The following SEMA3E variants were observed in gnomAD, a reference collection of about 807,000 sequenced individuals.
The protein encoded by SEMA3E is semaphorin 3E.
In SEMA3E, 49 loss-of-function variants were observed where a neutral mutation model predicts 93.6. That is an observed-to-expected ratio of 0.52 (90% confidence interval 0.42 to 0.66). SEMA3E has a LOEUF of 0.66. SEMA3E is among the 30% of genes least tolerant of loss of function. The pLI is 0.00. For missense variants in SEMA3E, 906 were observed against 964.8 expected (o/e 0.94, Z 0.81); for synonymous variants, 363 against 330.7 (o/e 1.10, Z -1.06).
At chr7:83,464,968 G>A (rs1789719345) in intron 4 of SEMA3E, among the ~76,000 whole-genome samples, 1 of 151,578 alleles carries the variant, frequency 6.6e-6, no homozygotes, top group Non-Finnish European at 1.5e-5. Context: ...CCAAGCCATC[G>A]CATCCCGTGA....
intron 1 of SEMA3E, among the ~76,000 whole-genome samples, chr7:83,511,285 G>T (rs117009755): frequency 3.5e-5 from 5 of 143,908 alleles, no homozygotes; most frequent in Non-Finnish European, 6.1e-5. Context: ...TCTTAAATAT[G>T]TTTTTTTTTT....
chr7:83,463,280 T>C (rs1196711084), intron 4 of SEMA3E, among the ~76,000 whole-genome samples: 1 of 151,986 alleles, frequency 6.6e-6, no homozygotes, highest in Non-Finnish European at 1.5e-5. Flanking sequence ...TTGACCTTAC[T>C]GTTTTAGCCT....
intron 1 of SEMA3E, among the ~76,000 whole-genome samples, chr7:83,645,556 C>G (rs1028084022): frequency 6.6e-6 from 1 of 151,948 alleles, no homozygotes; most frequent in Non-Finnish European, 1.5e-5. Flanking sequence ...TCATTTTATC[C>G]ACCAGGCTTG....
At chr7:83,595,801 A>T (rs925779673) in intron 1 of SEMA3E, among the ~76,000 whole-genome samples, 1 of 152,010 alleles carries the variant, frequency 6.6e-6, no homozygotes, top group South Asian at 2.1e-4. Flanking sequence ...TTATGATTTG[A>T]TAAGTTACCC....
intron 4 of SEMA3E, among the ~76,000 whole-genome samples, chr7:83,449,495 T>G (rs931676106): frequency 6.6e-6 from 1 of 152,030 alleles, no homozygotes; most frequent in Admixed American, 6.6e-5. Context: ...AATTTAATTT[T>G]CACTACTGAT....
chr7:83,504,930 C>T (rs372969209), intron 1 of SEMA3E, among the ~76,000 whole-genome samples: 4 of 151,856 alleles, frequency 2.6e-5, no homozygotes, highest in Admixed American at 6.6e-5. Flanking sequence ...AGAAGCTCAC[C>T]GAGAAAGTTA....
At chr7:83,559,203 C>A (rs1274376958) in intron 1 of SEMA3E, among the ~76,000 whole-genome samples, 1 of 151,970 alleles carries the variant, frequency 6.6e-6, no homozygotes, top group African/African-American at 2.4e-5. Context: ...CCTGCTTGAG[C>A]CTTGGTTTCT....
At chr7:83,598,792 T>C (rs1227527640) in intron 1 of SEMA3E, among the ~76,000 whole-genome samples, 3 of 152,236 alleles carry the variant, frequency 2.0e-5, no homozygotes, top group African/African-American at 7.2e-5. Flanking sequence ...CATTTGTATA[T>C]GTCTTTGTCA....
intron 14 of SEMA3E, 33 bp downstream of exon 14, chr7:83,392,522 A>G: frequency 6.2e-7 from 1 of 1,602,926 alleles, no homozygotes; most frequent in South Asian, 1.1e-5. Context: ...TTTCCTAAGC[A>G]AGGGAAATAG....
chr7:83,447,264 T>C (rs1322475911), intron 4 of SEMA3E, among the ~76,000 whole-genome samples: 2 of 152,072 alleles, frequency 1.3e-5, no homozygotes, highest in Non-Finnish European at 2.9e-5. Flanking sequence ...TGGCTGGGAC[T>C]GGTGGCTCAC....
chr7:83,606,318 G>A (rs1478546223), intron 1 of SEMA3E, among the ~76,000 whole-genome samples: 1 of 152,062 alleles, frequency 6.6e-6, no homozygotes, highest in Non-Finnish European at 1.5e-5. Context: ...CCCATTTTTG[G>A]CAATCTAATG....
chr7:83,477,152 T>G (rs953632423), intron 2 of SEMA3E, among the ~76,000 whole-genome samples: 1 of 152,112 alleles, frequency 6.6e-6, no homozygotes, highest in African/African-American at 2.4e-5. Context: ...AATTTTTTAA[T>G]TGTCTAAAAA....
At chr7:83,509,398 C>T (rs1271846835) in intron 1 of SEMA3E, among the ~76,000 whole-genome samples, 1 of 152,126 alleles carries the variant, frequency 6.6e-6, no homozygotes, top group African/African-American at 2.4e-5. Context: ...ATAAGGAGGC[C>T]AGAGCCAATT....
intron 1 of SEMA3E, among the ~76,000 whole-genome samples, chr7:83,618,575 G>GT (rs1164332147): frequency 2.0e-5 from 3 of 151,966 alleles, no homozygotes; most frequent in Non-Finnish European, 2.9e-5. Flanking sequence ...CATTTGGACA[G>GT]TAATTGATCA....
At chr7:83,424,076 G>T (rs1046669859) in intron 4 of SEMA3E, among the ~76,000 whole-genome samples, 68 of 152,228 alleles carry the variant, frequency 4.5e-4, no homozygotes, top group African/African-American at 1.5e-3. Context: ...AAAAGGAGAA[G>T]AAAGGTCCAC....
chr7:83,634,917 A>G (rs1793853272), intron 1 of SEMA3E, among the ~76,000 whole-genome samples: 1 of 152,056 alleles, frequency 6.6e-6, no homozygotes, highest in South Asian at 2.1e-4. Flanking sequence ...CTAAAATTAT[A>G]ACATTTGACT....
intron 1 of SEMA3E, among the ~76,000 whole-genome samples, chr7:83,561,169 A>G (rs1283141393): frequency 6.6e-6 from 1 of 152,056 alleles, no homozygotes; most frequent in African/African-American, 2.4e-5. Flanking sequence ...TGCCAATGTG[A>G]AAATAAGTTA....
intron 4 of SEMA3E, among the ~76,000 whole-genome samples, chr7:83,444,915 C>T (rs1051997963): frequency 1.3e-5 from 2 of 152,100 alleles, no homozygotes; most frequent in Non-Finnish European, 2.9e-5. Context: ...AGGTGATGCG[C>T]CCGTTTTGGC....
In SEMA3E at chr7:83,422,080, G is replaced by T. The variant is rs148510343; in HGVS notation, c.457-3597C>A. Among the ~76,000 whole-genome samples the T allele has an allele frequency of 2.6e-5, 4 of 152,342 alleles. No homozygotes were observed. The East Asian group carries it at 7.7e-4, about 29-fold the overall frequency. On this transcript the variant is annotated intron_variant, in intron 4 of 16. Transcript: ENST00000643230. ...TAATCCCAGCTACTTGGGAGGCTGA[G>T]ACAGGAGAATCGCTTGAACCTGGGA...
Sources: gnomAD v4.1 joint callset for allele counts (sites outside exome capture counted in the v4.1 genomes callset) on GRCh38, gnomAD v4.1.1 for gene constraint, MANE v1.5 for transcripts, NCBI Gene and HGNC (gene_info 2026-07-23, HGNC 2026-07-21) for gene names.